EYS: variants seen among roughly 807,000 people sequenced by gnomAD.
EYS encodes protein eyes shut homolog.
A neutral mutation model predicts 282.1 loss-of-function variants in EYS; 250 were observed. That is an observed-to-expected ratio of 0.89 (90% CI 0.80 to 0.98). The LOEUF (loss-of-function observed/expected upper bound fraction) is 0.98. EYS is among the 50% of genes least tolerant of loss of function. The pLI is 0.00. For synonymous variants in EYS, 1,355 were observed against 1,282.9 expected (o/e 1.06, Z -1.20); for missense variants, 4,016 against 3,709.0 (o/e 1.08, Z -2.15).
intron 33 of EYS, among the ~76,000 whole-genome samples, chr6:64,029,042 C>T (rs953753862): frequency 4.6e-5 from 7 of 152,012 alleles, no homozygotes; most frequent in Admixed American, 6.6e-5. Flanking sequence ...CCAGATACAG[C>T]GAGATAGCCA....
chr6:65,127,257 T>C (rs1323163638), intron 12 of EYS, among the ~76,000 whole-genome samples: 1 of 152,136 alleles, frequency 6.6e-6, no homozygotes, highest in Non-Finnish European at 1.5e-5. Context: ...TATACTGTAA[T>C]TTCCCTTACA....
At chr6:64,706,544 A>G (rs1003168669) in intron 22 of EYS, among the ~76,000 whole-genome samples, 2 of 152,158 alleles carry the variant, frequency 1.3e-5, no homozygotes, top group Non-Finnish European at 2.9e-5. Context: ...ATGGGAGAAA[A>G]TCTTCACAAT....
intron 35 of EYS, among the ~76,000 whole-genome samples, chr6:63,904,636 C>T (rs1773733138): frequency 6.6e-6 from 1 of 152,176 alleles, no homozygotes; most frequent in Non-Finnish European, 1.5e-5. Flanking sequence ...ATGGGACTCT[C>T]CTCTCTGCAG....
chr6:65,128,459 G>A (rs1775779359), intron 12 of EYS, among the ~76,000 whole-genome samples: 1 of 151,906 alleles, frequency 6.6e-6, no homozygotes, highest in Non-Finnish European at 1.5e-5. Flanking sequence ...TCCTAGAACT[G>A]ATAGACAACT....
At chr6:64,209,454 A>T (rs1033679816) in intron 31 of EYS, among the ~76,000 whole-genome samples, 1 of 152,196 alleles carries the variant, frequency 6.6e-6, no homozygotes, top group Admixed American at 6.5e-5. Flanking sequence ...TCAGTTTCTC[A>T]TATCATAACT....
chr6:65,245,625 GT>G (rs1767160288), intron 12 of EYS, among the ~76,000 whole-genome samples: 2 of 151,574 alleles, frequency 1.3e-5, no homozygotes, highest in Non-Finnish European at 2.9e-5. Context: ...AACAAAATCT[GT>G]TGTTTTTCTT....
intron 26 of EYS, among the ~76,000 whole-genome samples, chr6:64,443,650 T>C (rs1246316073): frequency 6.6e-6 from 1 of 152,138 alleles, no homozygotes; most frequent in South Asian, 2.1e-4. Flanking sequence ...TTATGAATGG[T>C]TCTTCCAAGA....
At chr6:64,275,799 T>TA (rs1478333029) in intron 30 of EYS, among the ~76,000 whole-genome samples, 1 of 148,122 alleles carries the variant, frequency 6.8e-6, no homozygotes, top group African/African-American at 2.5e-5. Context: ...ACTAAAAAAA[T>TA]AAAATAAAAT....
intron 5 of EYS, among the ~76,000 whole-genome samples, chr6:65,466,272 A>G (rs891992239): frequency 2.0e-5 from 3 of 152,130 alleles, no homozygotes; most frequent in Non-Finnish European, 4.4e-5. Context: ...AGAATTTTGT[A>G]TATACTGTTT....
At position 64,945,894 on chromosome 6, in the gene EYS, T is replaced by C. The variant is rs923201434; in HGVS notation, c.2280A>G (p.Leu760=). The change falls in exon 15 of 43, where the codon CTA becomes CTG. Residue 760 remains leucine, a synonymous_variant. Coordinates refer to ENST00000503581, the MANE Select transcript of EYS (RefSeq NM_001142800.2). ...CACAAAAATTTCCTTCCCAATCAGA[T>C]AGGCACACACACTGGTAGCTCTAAG... The part of the protein sequence containing the change: ...DLHLSYQCVC[L]SDWEGNFCEQ... 6.5e-6 allele frequency: 10 copies of C among 1,547,182 alleles called. No individual in the cohort carries two copies. In the Admixed American group the frequency reaches 1.6e-4, roughly 24 times the overall value.
rs547568645 is a variant in EYS, at chr6:65,203,629, G to C, written c.2023+92234C>G. ...ATAATAAATGACAGCATCTACATAT[G>C]AAAAGAAACCAGTCCAAGAACTCCA... On this transcript the variant is annotated intron_variant, in intron 12 of 42. Coordinates refer to ENST00000503581, the MANE Select transcript of EYS (RefSeq NM_001142800.2). 2.0e-5 allele frequency among the ~76,000 whole-genome samples: 3 copies of C among 152,246 alleles called. No individual in the cohort carries two copies. The South Asian group carries it at 6.2e-4, about 32-fold the overall frequency.
intron 32 of EYS, among the ~76,000 whole-genome samples, chr6:64,073,848 T>C (rs1771675454): frequency 6.6e-6 from 1 of 151,740 alleles, no homozygotes; most frequent in Non-Finnish European, 1.5e-5. Flanking sequence ...ATTTCCCCCA[T>C]AATGTTCTAA....
At chr6:64,934,413 C>A (rs1483301512) in intron 15 of EYS, among the ~76,000 whole-genome samples, 4 of 151,816 alleles carry the variant, frequency 2.6e-5, no homozygotes, top group Admixed American at 6.6e-5. Flanking sequence ...CATCCATGAA[C>A]CTCATCAAAC....
intron 2 of EYS, among the ~76,000 whole-genome samples, chr6:65,540,512 A>C (rs1768124845): frequency 6.6e-6 from 1 of 152,234 alleles, no homozygotes; most frequent in African/African-American, 2.4e-5. Flanking sequence ...TAATTATTTT[A>C]GCTGATGCCA....
intron 28 of EYS, among the ~76,000 whole-genome samples, chr6:64,391,873 G>A (rs945554601): frequency 3.3e-5 from 5 of 152,146 alleles, no homozygotes; most frequent in Admixed American, 6.5e-5. Context: ...GCTGTATTCA[G>A]AAAACCCATC....
intron 5 of EYS, among the ~76,000 whole-genome samples, chr6:65,416,380 T>C (rs1007076121): frequency 4.6e-5 from 7 of 151,978 alleles, no homozygotes; most frequent in Non-Finnish European, 1.0e-4. Context: ...TAAGTTATTA[T>C]CATTTTTATC....
intron 31 of EYS, among the ~76,000 whole-genome samples, chr6:64,185,869 T>G (rs1764922728): frequency 2.0e-5 from 3 of 152,156 alleles, no homozygotes; most frequent in Admixed American, 2.0e-4. Context: ...CCTTACTATA[T>G]GTGGAAAGTT....
At chr6:65,253,189 G>C (rs1184034600) in intron 12 of EYS, among the ~76,000 whole-genome samples, 1 of 151,938 alleles carries the variant, frequency 6.6e-6, no homozygotes, top group Admixed American at 6.6e-5. Flanking sequence ...AAGACAAAAA[G>C]GATAATATAG....
intron 40 of EYS, among the ~76,000 whole-genome samples, chr6:63,765,967 A>C (rs970147079): frequency 6.6e-6 from 1 of 152,010 alleles, no homozygotes; most frequent in Non-Finnish European, 1.5e-5. Context: ...AAAATGACAC[A>C]AATGAGGAGG....
Sources: allele counts gnomAD v4.1 joint callset (sites outside exome capture counted in the v4.1 genomes callset), GRCh38; gene constraint gnomAD v4.1.1; transcripts MANE v1.5; gene names NCBI Gene and HGNC (gene_info 2026-07-23, HGNC 2026-07-21).